The following HIBCH variants were observed in gnomAD, a reference collection of about 807,000 sequenced individuals.
HIBCH encodes 3-hydroxyisobutyryl-CoA hydrolase.
A neutral mutation model predicts 58.2 loss-of-function variants in HIBCH; 50 were observed. The ratio of observed to expected loss-of-function variants is 0.86; its 90% CI spans 0.68 to 1.09. The LOEUF (loss-of-function observed/expected upper bound fraction) is 1.09, where lower values mean the gene tolerates loss of function less well. Among genes scored for constraint, HIBCH ranks in the 50% least tolerant of loss-of-function variants. The pLI is 0.00. For missense variants in HIBCH, 450 were observed against 449.7 expected (o/e 1.00, Z -0.01); for synonymous variants, 151 against 146.9 (o/e 1.03, Z -0.20).
At chr2:190,286,279 C>T (rs953770063) in intron 6 of HIBCH, among the ~76,000 whole-genome samples, 14 of 152,122 alleles carry the variant, frequency 9.2e-5, no homozygotes. Flanking sequence ...TGAATAATAC[C>T]GTTTTTGTCC....
rs868108282 is a variant in HIBCH at position 190,204,954 on chromosome 2, C to T, written c.*163G>A. ...TATTTGTGAATTCTGATAATTTTCA[C>T]GTCATGAATTATTAGTCTTTGATTT... On this transcript the variant is annotated 3_prime_UTR_variant, in exon 14 of 14. Coordinates refer to ENST00000359678, the MANE Select transcript of HIBCH (RefSeq NM_014362.4). 2.4e-5 allele frequency: 15 copies of T among 634,208 alleles called. No individual in the cohort carries two copies. Among genetic ancestry groups the T allele is most frequent in the African/African-American group, 1.5e-4 (8 of 54,452 alleles). The allele number at this position is 634,208 out of a possible 1,614,324, so 39.3% of individuals were successfully genotyped here.
intron 7 of HIBCH, among the ~76,000 whole-genome samples, chr2:190,257,070 G>A (rs1046581462): frequency 3.3e-5 from 5 of 152,142 alleles, no homozygotes; most frequent in African/African-American, 1.2e-4. Context: ...TTTGACAGAA[G>A]TTATAAACCT....
chr2:190,294,770 T>C (rs992953898), intron 3 of HIBCH, 140 bp from the exon 4 acceptor site: 4 of 680,590 alleles, frequency 5.9e-6, no homozygotes, highest in African/African-American at 5.3e-5. Context: ...GTAAGGGATA[T>C]CCAGAAGAAC....
intron 6 of HIBCH, among the ~76,000 whole-genome samples, chr2:190,265,058 G>A (rs1288909072): frequency 6.7e-6 from 1 of 148,254 alleles, no homozygotes; most frequent in Admixed American, 6.7e-5. Context: ...GGGAGGTGGA[G>A]GTTGCAGTGA....
rs149119079 is a variant in HIBCH at position 190,248,198 on chromosome 2, T to C, written c.750+1442A>G. On this transcript the variant is annotated intron_variant, in intron 9 of 13. Transcript: ENST00000359678. ...GTTTTGGCCTAGGAATATTTGTTTT[T>C]CTATGCAAAGCACTAAAATTAGGAA... Among the ~76,000 whole-genome samples, 30 of 152,352 alleles carry C rather than the reference T, an allele frequency of 2.0e-4. 1 individual carries two copies. The East Asian group carries it at 4.2e-3, about 22-fold the overall frequency.
chr2:190,227,776 C>T (rs1305396829), intron 11 of HIBCH, among the ~76,000 whole-genome samples: 2 of 152,166 alleles, frequency 1.3e-5, no homozygotes, highest in African/African-American at 4.8e-5. Flanking sequence ...CAAAAGAAGA[C>T]ATTTATGCAG....
At chr2:190,278,113 C>G (rs1326538767) in intron 6 of HIBCH, among the ~76,000 whole-genome samples, 1 of 152,152 alleles carries the variant, frequency 6.6e-6, no homozygotes, top group Non-Finnish European at 1.5e-5. Flanking sequence ...GTGAACTCCC[C>G]TCCCCCTAGA....
intron 2 of HIBCH, among the ~76,000 whole-genome samples, chr2:190,302,424 G>A (rs1390463108): frequency 6.6e-6 from 1 of 152,202 alleles, no homozygotes; most frequent in Non-Finnish European, 1.5e-5. Context: ...TACATCAAAA[G>A]ATGAAGCAGA....
chr2:190,296,896 T>C lies in HIBCH; in HGVS notation c.136A>G (p.Thr46Ala), dbSNP rs1058180. 0.75 allele frequency: 1,202,895 copies of C among 1,613,048 alleles called. 451,053 individuals are homozygous for C. The highest frequency in any genetic ancestry group is 0.77 in the Admixed American group (46,261 of 60,006). Residue 46 changes from threonine (T) to alanine (A), a missense_variant, in exon 3 of 14, where the codon ACG becomes GCG. Thr to Ala is a moderately conservative substitution (Grantham distance 58). Transcript: ENST00000359678. ...GGTCTGTTTAGTGTTATGACTCCCG[T>C]GCAACCTTTTTTTTCCAATAGCACC... ...EEVLLEKKGC[T>A]GVITLNRPKF...
chr2:190,223,461 T>C (rs1685790254), intron 11 of HIBCH, among the ~76,000 whole-genome samples: 1 of 152,202 alleles, frequency 6.6e-6, no homozygotes, highest in African/African-American at 2.4e-5. Flanking sequence ...TAAGTGGTAG[T>C]CACTCAAATA....
intron 1 of HIBCH, 21 bp downstream of exon 1, chr2:190,319,695 G>A: frequency 6.3e-7 from 1 of 1,594,796 alleles, no homozygotes; most frequent in Non-Finnish European, 8.6e-7. Context: ...CCTGCCCTTG[G>A]CCCCTCGCTC....
intron 1 of HIBCH, among the ~76,000 whole-genome samples, chr2:190,313,246 T>C (rs1284538274): frequency 6.6e-6 from 1 of 151,688 alleles, no homozygotes; most frequent in African/African-American, 2.4e-5. Flanking sequence ...TATTTAAAAA[T>C]GTTATTGCTT....
chr2:190,306,474 G>T lies in HIBCH; in HGVS notation c.78+4280C>A, dbSNP rs183461488. ...GGGACAGACAGCAGACTTATTTACA[G>T]CTTACTAAAACCAGCAGGTTTCCCA... On this transcript the variant is annotated intron_variant, in intron 2 of 13. Coordinates refer to ENST00000359678, the MANE Select transcript of HIBCH (RefSeq NM_014362.4). The surrounding 1 kb of genome is among the most constrained non-coding windows in gnomAD (Gnocchi z 4.6). Among the ~76,000 whole-genome samples the T allele has an allele frequency of 9.5e-4, 144 of 152,194 alleles. No individual in the cohort carries two copies. Among genetic ancestry groups the T allele is most frequent in the African/African-American group, 3.2e-3 (132 of 41,532 alleles).
downstream of HIBCH, chr2:190,203,485 C>G (rs1575689394): frequency 6.1e-6 from 1 of 164,508 alleles, no homozygotes; most frequent in Non-Finnish European, 1.5e-5. Context: ...TTGCAATTAA[C>G]TAGTGTGAGC....
chr2:190,258,951 G>C (rs1687007296), intron 7 of HIBCH, among the ~76,000 whole-genome samples: 1 of 151,974 alleles, frequency 6.6e-6, no homozygotes, highest in African/African-American at 2.4e-5. Flanking sequence ...TTTGTCTCTG[G>C]GCTTGCTATT....
intron 6 of HIBCH, among the ~76,000 whole-genome samples, chr2:190,284,472 AGTG>A (rs1171226533): frequency 6.6e-6 from 1 of 152,234 alleles, no homozygotes; most frequent in Non-Finnish European, 1.5e-5. Flanking sequence ...TATAACTTTA[AGTG>A]ATCTCTTGGT....
chr2:190,273,118 C>T lies in HIBCH; in HGVS notation c.439-11884G>A, dbSNP rs536639430. On this transcript the variant is annotated intron_variant, in intron 6 of 13. Coordinates refer to ENST00000359678, the MANE Select transcript of HIBCH (RefSeq NM_014362.4). ...AACTCAAAGCAATCCTACGGCCAGG[C>T]GCAGTGGCTCATGCCAGTAATCCCA... 1.2e-4 allele frequency among the ~76,000 whole-genome samples: 19 copies of T among 152,262 alleles called. No individual in the cohort carries two copies. The East Asian group carries it at 1.7e-3, about 14-fold the overall frequency.
chr2:190,203,444 T>C (rs2105893519), downstream of HIBCH: 1 of 166,780 alleles, frequency 6.0e-6, no homozygotes, highest in Admixed American at 6.5e-5. Flanking sequence ...CTGAAAACAT[T>C]TGTTGTTGTA....
At chr2:190,238,408 T>C (rs1021416175) in intron 11 of HIBCH, among the ~76,000 whole-genome samples, 1 of 152,226 alleles carries the variant, frequency 6.6e-6, no homozygotes, top group East Asian at 1.9e-4. Flanking sequence ...TTGATTTGCA[T>C]TTCTCTAATG....
Sources: gnomAD v4.1 joint callset for allele counts (sites outside exome capture counted in the v4.1 genomes callset) on GRCh38, gnomAD v4.1.1 for gene constraint, Gnocchi (gnomAD v3.1) non-coding constraint, MANE v1.5 for transcripts, NCBI Gene and HGNC (gene_info 2026-07-23, HGNC 2026-07-21) for gene names.